Variants in IL1RAPL2 observed in about 807,000 individuals in gnomAD.
The protein encoded by IL1RAPL2 is X-linked interleukin-1 receptor accessory protein-like 2.
A neutral mutation model predicts 44.1 loss-of-function variants in IL1RAPL2; 3 were observed. That is an observed-to-expected ratio of 0.07 (90% CI 0.03 to 0.18). The LOEUF (loss-of-function observed/expected upper bound fraction) is 0.18, where lower values mean the gene tolerates loss of function less well. IL1RAPL2 is among the 10% of genes least tolerant of loss of function. The pLI, the probability that IL1RAPL2 is intolerant of heterozygous loss-of-function variation, is 1.00. For missense variants in IL1RAPL2, 391 were observed against 496.4 expected (o/e 0.79, Z 2.02); for synonymous variants, 181 against 178.8 (o/e 1.01, Z -0.10).
chrX:105,748,957 C>T lies in IL1RAPL2; in HGVS notation c.1049-3C>T. The T allele has an allele frequency of 8.3e-7, 1 of 1,207,472 alleles. No individual in the cohort carries two copies. Among genetic ancestry groups the T allele is most frequent in the Non-Finnish European group, 1.1e-6 (1 of 892,814 alleles). ...CTTTTCCTGTTTATTCTGTTCGCTC[C>T]AGATTTAATCTATAAAATTGAGCTT... On this transcript the variant is annotated splice_region_variant and splice_polypyrimidine_tract_variant and intron_variant, in intron 8 of 10. Coordinates refer to ENST00000372582, the MANE Select transcript of IL1RAPL2 (RefSeq NM_017416.2).
chrX:104,950,628 G>C (rs778696435), intron 2 of IL1RAPL2, among the ~76,000 whole-genome samples: 1 of 112,800 alleles, frequency 8.9e-6, no homozygotes, highest in Admixed American at 9.3e-5. Flanking sequence ...GCGATACTCC[G>C]TGGGCGTAGG....
chrX:104,814,852 C>T (rs987186944), intron 2 of IL1RAPL2, among the ~76,000 whole-genome samples: 2 of 111,858 alleles, frequency 1.8e-5, no homozygotes, highest in African/African-American at 6.5e-5. Flanking sequence ...GGTTCTTATG[C>T]CCTCTGAAGC....
chrX:104,996,046 A>G (rs1318399089), intron 2 of IL1RAPL2, among the ~76,000 whole-genome samples: 2 of 111,928 alleles, frequency 1.8e-5, no homozygotes, highest in Admixed American at 1.9e-4. Context: ...CTATCAGAGC[A>G]ATACATAGTG....
intron 2 of IL1RAPL2, among the ~76,000 whole-genome samples, chrX:104,737,688 C>T (rs1275944605): frequency 1.8e-5 from 2 of 111,739 alleles, no homozygotes; most frequent in African/African-American, 6.5e-5. Flanking sequence ...GCCTTTCAGT[C>T]AGTGAGATGA....
chrX:105,306,887 G>A (rs1189687165), intron 5 of IL1RAPL2, among the ~76,000 whole-genome samples: 1 of 110,726 alleles, frequency 9.0e-6, no homozygotes, highest in Non-Finnish European at 1.9e-5. Context: ...AGAAATTTTT[G>A]ACACTGGTTA....
At chrX:104,612,886 C>T (rs1316468941) in intron 1 of IL1RAPL2, among the ~76,000 whole-genome samples, 4 of 111,307 alleles carry the variant, frequency 3.6e-5, no homozygotes, top group African/African-American at 1.3e-4. Context: ...AGATCTTTCT[C>T]CTCCATGGTT....
At chrX:105,375,080 A>G (rs760071832) in intron 5 of IL1RAPL2, among the ~76,000 whole-genome samples, 1 of 110,704 alleles carries the variant, frequency 9.0e-6, no homozygotes, top group South Asian at 3.8e-4. Flanking sequence ...GCAAACAGGG[A>G]GAGTTCAACT....
chrX:104,905,118 T>C (rs1923947345), intron 2 of IL1RAPL2, among the ~76,000 whole-genome samples: 1 of 111,817 alleles, frequency 8.9e-6, no homozygotes, highest in South Asian at 3.8e-4. Flanking sequence ...GAAGTGTCTG[T>C]TCATGTCCTT....
chrX:105,448,449 C>T (rs890778189), intron 5 of IL1RAPL2, among the ~76,000 whole-genome samples: 1 of 109,212 alleles, frequency 9.2e-6, no homozygotes, highest in African/African-American at 3.4e-5. Context: ...ACTGCAATCT[C>T]CGCCTCCCGG....
intron 2 of IL1RAPL2, among the ~76,000 whole-genome samples, chrX:104,854,172 T>C (rs1263462836): frequency 2.7e-5 from 3 of 111,979 alleles, no homozygotes; most frequent in Admixed American, 9.5e-5. Flanking sequence ...TATTTAAATC[T>C]TTCATGTTAG....
intron 1 of IL1RAPL2, among the ~76,000 whole-genome samples, chrX:104,656,741 T>C (rs916078243): frequency 9.0e-6 from 1 of 111,719 alleles, no homozygotes; most frequent in East Asian, 2.8e-4. Flanking sequence ...GTTAATTTTT[T>C]GTCTCATTGA....
chrX:105,234,070 G>T, intron 4 of IL1RAPL2, 66 bp downstream of exon 4: 1 of 918,246 alleles, frequency 1.1e-6, no homozygotes, highest in Non-Finnish European at 1.5e-6. Context: ...GATGAGGAAA[G>T]GGAGATTTTT....
chrX:105,704,766 T>C (rs2038150379), intron 6 of IL1RAPL2, among the ~76,000 whole-genome samples: 1 of 110,985 alleles, frequency 9.0e-6, no homozygotes, highest in Admixed American at 9.7e-5. Flanking sequence ...TTTTTCCTAA[T>C]GTTCTCCCTC....
intron 1 of IL1RAPL2, among the ~76,000 whole-genome samples, chrX:104,589,277 C>T (rs139334850): frequency 0.023 from 2,560 of 112,184 alleles, 28 homozygotes; most frequent in Middle Eastern, 0.065. Context: ...GGAAGCCAGT[C>T]CAAGTCCCAA....
chrX:105,115,477 C>A (rs1486955449), intron 2 of IL1RAPL2, among the ~76,000 whole-genome samples: 1 of 111,665 alleles, frequency 9.0e-6, no homozygotes, highest in East Asian at 2.8e-4. Context: ...CTGAGCTAGA[C>A]ACAAAAGTTC....
At chrX:105,301,898 C>T (rs2034700674) in intron 5 of IL1RAPL2, among the ~76,000 whole-genome samples, 1 of 111,983 alleles carries the variant, frequency 8.9e-6, no homozygotes, top group Non-Finnish European at 1.9e-5. Flanking sequence ...ATTGCTGGAT[C>T]ATATGGTAGC....
intron 5 of IL1RAPL2, among the ~76,000 whole-genome samples, chrX:105,436,701 A>G: frequency 9.0e-6 from 1 of 111,119 alleles, no homozygotes; most frequent in Non-Finnish European, 1.9e-5. Flanking sequence ...ATGCCAAGCA[A>G]CAGCCAAAGG....
intron 2 of IL1RAPL2, among the ~76,000 whole-genome samples, chrX:104,848,370 A>T (rs984409434): frequency 9.8e-6 from 1 of 102,211 alleles, no homozygotes; most frequent in African/African-American, 3.5e-5. Flanking sequence ...AATTTAGCAT[A>T]TAAGTTTTTT....
intron 2 of IL1RAPL2, among the ~76,000 whole-genome samples, chrX:105,022,046 T>C (rs1448399741): frequency 9.0e-6 from 1 of 111,028 alleles, no homozygotes; most frequent in Non-Finnish European, 1.9e-5. Context: ...ATATTGTTCT[T>C]ATCCTTCATA....
Sources: gnomAD v4.1 joint callset for allele counts (sites outside exome capture counted in the v4.1 genomes callset) on GRCh38, gnomAD v4.1.1 for gene constraint, MANE v1.5 for transcripts, NCBI Gene and HGNC (gene_info 2026-07-23, HGNC 2026-07-21) for gene names.